Variants in GPR176 observed in about 807,000 individuals in gnomAD.
GPR176 encodes G-protein coupled receptor 176.
A neutral mutation model predicts 35.4 loss-of-function variants in GPR176; 26 were observed. The observed-to-expected ratio is 0.74, with a 90% CI of 0.54 to 1.02. The LOEUF is 1.02. Among genes scored for constraint, GPR176 ranks in the 50% least tolerant of loss-of-function variants. The probability of loss-of-function intolerance (pLI) is 0.00; values close to 1 mark genes in which losing one functional copy is unlikely to be tolerated. For synonymous variants in GPR176, 278 were observed against 271.3 expected (o/e 1.02, Z -0.24); for missense variants, 597 against 665.3 (o/e 0.90, Z 1.13).
intron 1 of GPR176, among the ~76,000 whole-genome samples, chr15:39,868,541 GGTCA>G (rs2031917979): frequency 6.6e-6 from 1 of 152,174 alleles, no homozygotes; most frequent in Non-Finnish European, 1.5e-5. Flanking sequence ...ATGGTATCTA[GGTCA>G]GTCAAAGAGG....
chr15:39,830,433 AC>A (rs1363374545), intron 1 of GPR176, among the ~76,000 whole-genome samples: 1 of 152,200 alleles, frequency 6.6e-6, no homozygotes, highest in Non-Finnish European at 1.5e-5. Flanking sequence ...GAGGTGGAAC[AC>A]CACAAGAGGA....
intron 2 of GPR176, among the ~76,000 whole-genome samples, chr15:39,805,547 G>A (rs1271898263): frequency 1.3e-5 from 2 of 151,912 alleles, no homozygotes; most frequent in African/African-American, 2.4e-5. Context: ...ACTGCTGAGC[G>A]GCTGATCCCC....
At chr15:39,883,666 T>C (rs1249621336) in intron 1 of GPR176, among the ~76,000 whole-genome samples, 1 of 152,200 alleles carries the variant, frequency 6.6e-6, no homozygotes, top group African/African-American at 2.4e-5. Context: ...AGAAACATCA[T>C]GATGGCACAT....
chr15:39,848,394 C>T (rs774980170), intron 1 of GPR176, among the ~76,000 whole-genome samples: 5 of 152,100 alleles, frequency 3.3e-5, no homozygotes, highest in Non-Finnish European at 5.9e-5. Flanking sequence ...CCTCTTTCAG[C>T]AACTGATAAA....
chr15:39,840,914 T>A (rs2029924346), intron 1 of GPR176, among the ~76,000 whole-genome samples: 1 of 152,158 alleles, frequency 6.6e-6, no homozygotes, highest in African/African-American at 2.4e-5. Context: ...AGGCAGGTAT[T>A]ACTAGTTGCC....
intron 1 of GPR176, among the ~76,000 whole-genome samples, chr15:39,837,970 A>G (rs1437579738): frequency 6.9e-6 from 1 of 145,450 alleles, no homozygotes; most frequent in Non-Finnish European, 1.5e-5. Flanking sequence ...CTGGCAACAT[A>G]CCAACACCCC....
chr15:39,878,931 G>A (rs771340744), intron 1 of GPR176, among the ~76,000 whole-genome samples: 9 of 152,230 alleles, frequency 5.9e-5, no homozygotes, highest in Non-Finnish European at 1.2e-4. Flanking sequence ...CTGAGGACAC[G>A]GTCCTTCCTG....
intron 1 of GPR176, among the ~76,000 whole-genome samples, chr15:39,904,053 G>T (rs1220067761): frequency 2.0e-5 from 3 of 152,172 alleles, no homozygotes. Context: ...ACTTCCTGAT[G>T]TTGCCATGGC....
chr15:39,904,891 G>A (rs188176143), intron 1 of GPR176, among the ~76,000 whole-genome samples: 6 of 152,290 alleles, frequency 3.9e-5, no homozygotes, highest in Admixed American at 3.3e-4. Context: ...CATTTGCAGG[G>A]AGCAAGGACA....
At chr15:39,815,164 G>A (rs529237984) in intron 1 of GPR176, among the ~76,000 whole-genome samples, 16 of 152,324 alleles carry the variant, frequency 1.1e-4, no homozygotes, top group African/African-American at 3.4e-4. Flanking sequence ...TTGGCCAGAG[G>A]AAAAGAAACA....
intron 1 of GPR176, among the ~76,000 whole-genome samples, chr15:39,819,814 G>T (rs1595447232): frequency 6.6e-6 from 1 of 152,180 alleles, no homozygotes; most frequent in Admixed American, 6.5e-5. Context: ...ACTAAGAAAG[G>T]AAAGTGAGCC....
At chr15:39,819,432 C>A (rs1900123982) in intron 1 of GPR176, among the ~76,000 whole-genome samples, 1 of 152,170 alleles carries the variant, frequency 6.6e-6, no homozygotes, top group African/African-American at 2.4e-5. Context: ...GGTTTTATAT[C>A]TAGGGGTTGC....
chr15:39,837,776 C>T (rs1250494959), intron 1 of GPR176, among the ~76,000 whole-genome samples: 2 of 152,022 alleles, frequency 1.3e-5, no homozygotes, highest in East Asian at 3.9e-4. Flanking sequence ...CTCATTAACT[C>T]TTCAAGGATA....
intron 1 of GPR176, among the ~76,000 whole-genome samples, chr15:39,919,000 G>A (rs2033801090): frequency 6.6e-6 from 1 of 152,172 alleles, no homozygotes; most frequent in Non-Finnish European, 1.5e-5. Context: ...ATATCCAAGT[G>A]GTATGCAGTA....
At position 39,919,971 on chromosome 15, in the gene GPR176, G is replaced by C. The variant is rs2033834147; in HGVS notation, c.56C>G (p.Ser19Cys). 1 of 1,477,704 alleles carries C rather than the reference G, an allele frequency of 6.8e-7. No individual in the cohort carries two copies. Among genetic ancestry groups the C allele is most frequent in the Admixed American group, 2.6e-5 (1 of 39,206 alleles). 91.5% of individuals were successfully genotyped at this position (1,477,704 alleles called of 1,614,324 possible). ...GTTCACACCCGCAGCCTCGGCGCCG[G>C]ACGCGTTGTGCGGCTCGCTGGCATT... is the stretch of plus-strand genomic sequence containing the variant. ...SPNASEPHNA[S>C]GAEAAGVNRS... is the part of the protein sequence containing the mutation. The change falls in exon 1 of 3, where the codon TCC becomes TGC. Residue 19 changes from serine (S) to cysteine (C), a missense_variant. Coordinates refer to ENST00000561100, the MANE Select transcript of GPR176 (RefSeq NM_007223.3).
intron 1 of GPR176, among the ~76,000 whole-genome samples, chr15:39,883,191 C>T (rs925406482): frequency 6.6e-6 from 1 of 152,140 alleles, no homozygotes. Context: ...AACCATCATA[C>T]ATTTACTGCT....
chr15:39,897,597 A>ATTTTTTTTTTT (rs1491229135), intron 1 of GPR176, among the ~76,000 whole-genome samples: 2 of 93,812 alleles, frequency 2.1e-5, no homozygotes, highest in African/African-American at 8.1e-5. Context: ...AAACATCCAA[A>ATTTTTTTTTTT]TATTTTTTTT....
intron 1 of GPR176, among the ~76,000 whole-genome samples, chr15:39,843,583 C>A (rs192365156): frequency 1.2e-3 from 158 of 129,050 alleles, no homozygotes; most frequent in African/African-American, 4.8e-3. Context: ...GTACTCTCTG[C>A]CAGTGTAAGA....
At chr15:39,897,599 A>ATTTTTTTTTTTTTTTTTTTTTTTTTTTT (rs386382791) in intron 1 of GPR176, among the ~76,000 whole-genome samples, 1 of 88,524 alleles carries the variant, frequency 1.1e-5, no homozygotes. Context: ...ACATCCAAAT[A>ATTTTTTTTTTTTTTTTTTTTTTTTTTTT]TTTTTTTTTT....
Sources: allele counts gnomAD v4.1 joint callset (sites outside exome capture counted in the v4.1 genomes callset), GRCh38; gene constraint gnomAD v4.1.1; transcripts MANE v1.5; gene names NCBI Gene and HGNC (gene_info 2026-07-23, HGNC 2026-07-21).